OPCML: variants seen among roughly 807,000 people sequenced by gnomAD.
OPCML encodes opioid-binding protein/cell adhesion molecule.
In OPCML, 13 loss-of-function variants were observed where a neutral mutation model predicts 37.8. The ratio of observed to expected loss-of-function variants is 0.34; its 90% CI spans 0.22 to 0.55. The LOEUF is 0.55. Ranked by LOEUF, OPCML falls within the 20% of genes least tolerant of loss-of-function variation. OPCML has a pLI of 0.91. For synonymous variants in OPCML, 176 were observed against 168.8 expected, an observed-to-expected ratio of 1.04 and a Z score of -0.33; for missense variants, 341 against 435.6, an observed-to-expected ratio of 0.78 and a Z score of 1.93.
intron 2 of OPCML, among the ~76,000 whole-genome samples, chr11:132,816,519 T>C (rs1306241817): frequency 6.6e-6 from 1 of 152,182 alleles, no homozygotes; most frequent in Non-Finnish European, 1.5e-5. Context: ...CATTCTTATT[T>C]TATGTGTTAT....
intron 1 of OPCML, among the ~76,000 whole-genome samples, chr11:133,049,827 TA>T (rs1356437955): frequency 6.6e-6 from 1 of 152,184 alleles, no homozygotes; most frequent in Non-Finnish European, 1.5e-5. Context: ...ATCCACATTC[TA>T]GTGTATTTCC....
intron 1 of OPCML, among the ~76,000 whole-genome samples, chr11:133,283,069 C>T (rs1031770026): frequency 3.9e-5 from 6 of 152,000 alleles, no homozygotes; most frequent in African/African-American, 9.7e-5. Flanking sequence ...GATGTTGGAA[C>T]GAGTTAAGGC....
chr11:132,734,880 A>G lies in OPCML; in HGVS notation c.147-77561T>C, dbSNP rs535315622. 3.3e-5 allele frequency among the ~76,000 whole-genome samples: 5 copies of G among 152,336 alleles called. No individual in the cohort carries two copies. In the South Asian group the frequency reaches 1.0e-3, roughly 32 times the overall value. ...ATGGTTCTTGAGAAGGTAATGAGTG[A>G]TCTTTTATAGAAAAGTGAAAAAAAT... is the stretch of plus-strand genomic sequence containing the variant. On this transcript the variant is annotated intron_variant, in intron 2 of 7. Transcript: ENST00000524381.
At chr11:132,854,322 A>G (rs573057074) in intron 2 of OPCML, among the ~76,000 whole-genome samples, 2 of 152,306 alleles carry the variant, frequency 1.3e-5, no homozygotes, top group South Asian at 4.1e-4. Context: ...TTGTTCATCA[A>G]TCTGGAAGCT....
At chr11:132,495,907 A>G (rs1300583067) in intron 4 of OPCML, among the ~76,000 whole-genome samples, 1 of 152,132 alleles carries the variant, frequency 6.6e-6, no homozygotes, top group East Asian at 1.9e-4. Flanking sequence ...AAAAAAAAAA[A>G]AAAAAGTTTG....
intron 7 of OPCML, among the ~76,000 whole-genome samples, chr11:132,420,895 C>G (rs1215715004): frequency 3.3e-5 from 5 of 152,182 alleles, no homozygotes; most frequent in African/African-American, 1.2e-4. Context: ...AGTGCTGCCT[C>G]CCTAAAGGCC....
intron 2 of OPCML, among the ~76,000 whole-genome samples, chr11:132,802,031 A>T (rs1351978067): frequency 6.6e-6 from 1 of 152,072 alleles, no homozygotes; most frequent in African/African-American, 2.4e-5. Flanking sequence ...AGCCTTCACC[A>T]TCTAAGTAAA....
chr11:132,435,568 G>GGAAA (rs3837378), intron 7 of OPCML, among the ~76,000 whole-genome samples: 4,078 of 152,236 alleles, frequency 0.027, 182 homozygotes, highest in East Asian at 0.17. Context: ...CATATGGGAG[G>GGAAA]GAAAGATCTT....
chr11:132,615,988 TGAA>T (rs1938985007), intron 3 of OPCML, among the ~76,000 whole-genome samples: 1 of 152,196 alleles, frequency 6.6e-6, no homozygotes, highest in Non-Finnish European at 1.5e-5. Context: ...AGGCTACACT[TGAA>T]GAAGCAGGTC....
At chr11:132,785,918 C>A (rs545380600) in intron 2 of OPCML, among the ~76,000 whole-genome samples, 90 of 152,248 alleles carry the variant, frequency 5.9e-4, no homozygotes, top group African/African-American at 2.0e-3. Flanking sequence ...ATATTTTATC[C>A]AAGGAGTTTG....
At chr11:133,012,682 C>G (rs1410035780) in intron 1 of OPCML, among the ~76,000 whole-genome samples, 1 of 152,076 alleles carries the variant, frequency 6.6e-6, no homozygotes, top group Non-Finnish European at 1.5e-5. Context: ...TCAAGACCAG[C>G]CTGACCAACA....
At chr11:133,291,454 C>A (rs948202) in intron 1 of OPCML, among the ~76,000 whole-genome samples, 13,299 of 152,156 alleles carry the variant, frequency 0.087, 659 homozygotes, top group Middle Eastern at 0.17. Context: ...GGTGGTCAGC[C>A]TGCTGCTGGT....
chr11:132,969,444 AT>A lies in OPCML; in HGVS notation c.62-26435del, dbSNP rs1946290628. ...ATCCTGCTTGGAGTTTGTTAAGTTT[AT>A]TAGATGTGTAGGTCAATTTTTCTAT... is the stretch of plus-strand genomic sequence containing the variant. On this transcript the variant is annotated intron_variant, in intron 1 of 7. Coordinates refer to ENST00000524381, the MANE Select transcript of OPCML (RefSeq NM_001012393.5). 3.9e-5 allele frequency among the ~76,000 whole-genome samples: 6 copies of A among 152,182 alleles called. No homozygotes were observed. The South Asian group carries it at 1.2e-3, about 32-fold the overall frequency.
chr11:133,410,634 TAAAAAAAAAAAAAAAAAAAAAA>T (rs71038527), intron 1 of OPCML, among the ~76,000 whole-genome samples: 740 of 47,020 alleles, frequency 0.016, 17 homozygotes, highest in Middle Eastern at 0.062. Context: ...AGAAAAAAAG[TAAAAAAAAAAAAAAAAAAAAAA>T]AAAAAAAAAA....
intron 7 of OPCML, among the ~76,000 whole-genome samples, chr11:132,432,061 G>A (rs1374737417): frequency 3.9e-5 from 6 of 152,182 alleles, no homozygotes; most frequent in African/African-American, 1.4e-4. Flanking sequence ...TTATGAGCTG[G>A]ATTGCAATAG....
intron 2 of OPCML, among the ~76,000 whole-genome samples, chr11:132,871,718 C>A (rs780070029): frequency 3.3e-5 from 5 of 152,246 alleles, no homozygotes; most frequent in Non-Finnish European, 7.3e-5. Flanking sequence ...AGACTACGCA[C>A]TCAAATAGCC....
intron 1 of OPCML, among the ~76,000 whole-genome samples, chr11:133,386,135 A>G (rs559551780): frequency 6.6e-6 from 1 of 152,364 alleles, no homozygotes; most frequent in East Asian, 1.9e-4. Context: ...ACGGAGGCGA[A>G]TGAAATAATT....
chr11:133,036,362 A>G (rs1363784205), intron 1 of OPCML, among the ~76,000 whole-genome samples: 1 of 152,268 alleles, frequency 6.6e-6, no homozygotes, highest in Admixed American at 6.5e-5. Flanking sequence ...GCAAAGATCA[A>G]TAAAAGATTC....
intron 1 of OPCML, among the ~76,000 whole-genome samples, chr11:133,218,445 A>G (rs1803833847): frequency 1.3e-5 from 2 of 152,254 alleles, no homozygotes; most frequent in Non-Finnish European, 2.9e-5. Flanking sequence ...AATGCCCTAT[A>G]GCATCTTGTC....
Sources: allele counts gnomAD v4.1 joint callset (sites outside exome capture counted in the v4.1 genomes callset), GRCh38; gene constraint gnomAD v4.1.1; transcripts MANE v1.5; gene names NCBI Gene and HGNC (gene_info 2026-07-23, HGNC 2026-07-21).